Variants in MPHOSPH9 observed in about 807,000 individuals in gnomAD.
The protein encoded by MPHOSPH9 is M-phase phosphoprotein 9.
A neutral mutation model predicts 145.5 loss-of-function variants in MPHOSPH9; 88 were observed. The observed-to-expected ratio is 0.60, with a 90% CI of 0.51 to 0.72. The LOEUF (loss-of-function observed/expected upper bound fraction) is 0.72, where lower values mean the gene tolerates loss of function less well. Among genes scored for constraint, MPHOSPH9 ranks in the 30% least tolerant of loss-of-function variants. The pLI is 0.00. For synonymous variants in MPHOSPH9, 435 were observed against 486.2 expected (o/e 0.89, Z 1.39); for missense variants, 1,238 against 1,386.6 (o/e 0.89, Z 1.70).
intron 16 of MPHOSPH9, among the ~76,000 whole-genome samples, chr12:123,168,300 C>T (rs550485934): frequency 3.3e-5 from 5 of 151,918 alleles, no homozygotes; most frequent in East Asian, 1.9e-4. Flanking sequence ...CCACCTCAAG[C>T]GGACACCCCA....
intron 16 of MPHOSPH9, among the ~76,000 whole-genome samples, chr12:123,171,559 G>C (rs1359480310): frequency 1.3e-5 from 2 of 152,114 alleles, no homozygotes; most frequent in African/African-American, 4.8e-5. Flanking sequence ...GACCAGCTTG[G>C]CTGACATGGC....
At chr12:123,211,860 A>C (rs980782236) in intron 7 of MPHOSPH9, among the ~76,000 whole-genome samples, 5 of 150,810 alleles carry the variant, frequency 3.3e-5, no homozygotes, top group Non-Finnish European at 7.4e-5. Flanking sequence ...GCACCCAGCT[A>C]ATTTTTGTAT....
upstream of MPHOSPH9, among the ~76,000 whole-genome samples, chr12:123,237,761 T>A (rs1010891945): frequency 6.6e-6 from 1 of 152,326 alleles, no homozygotes; most frequent in African/African-American, 2.4e-5. Context: ...CCAGCAATAC[T>A]CACTGGTTCC....
intron 13 of MPHOSPH9, among the ~76,000 whole-genome samples, chr12:123,192,309 C>A (rs1359932318): frequency 6.6e-6 from 1 of 151,234 alleles, no homozygotes. Flanking sequence ...CAAAAATTAG[C>A]CAAGTGTGGT....
intron 8 of MPHOSPH9, among the ~76,000 whole-genome samples, chr12:123,206,134 C>A (rs1240599084): frequency 6.6e-6 from 1 of 152,026 alleles, no homozygotes; most frequent in Non-Finnish European, 1.5e-5. Flanking sequence ...TGGGAAAACA[C>A]AGAAACTAAC....
In MPHOSPH9 at chr12:123,166,908, T is replaced by C. The variant is rs191123804; in HGVS notation, c.2457-119A>G. Reference sequence around the variant, plus strand: ...ACACATTTGTACACTAATTTAAAAATCACATGTAACAATCTATATTTTGGA... The same window carrying C: ...ACACATTTGTACACTAATTTAAAAACCACATGTAACAATCTATATTTTGGA... On this transcript the variant is annotated intron_variant, in intron 16 of 23. Transcript: ENST00000606320. 327 of 1,013,140 alleles carry C rather than the reference T, an allele frequency of 3.2e-4. 2 individuals carry two copies. Among genetic ancestry groups the C allele is most frequent in the South Asian group, 7.8e-4 (38 of 48,476 alleles). 62.8% of individuals were successfully genotyped at this position (1,013,140 alleles called of 1,614,324 possible).
At chr12:123,156,997 G>A in intron 23 of MPHOSPH9, 89 bp from the exon 24 acceptor site, 1 of 891,026 alleles carries the variant, frequency 1.1e-6, no homozygotes, top group Admixed American at 2.3e-5. Flanking sequence ...TAGCAAAAGA[G>A]CAAGTATAAA....
chr12:123,217,517 T>C (rs137953143), intron 6 of MPHOSPH9, among the ~76,000 whole-genome samples: 64 of 152,256 alleles, frequency 4.2e-4, no homozygotes, highest in African/African-American at 1.4e-3. Context: ...GATTACAGTA[T>C]TACTTCTTAC....
chr12:123,240,668 C>G (rs1593274737), intron 1 of MPHOSPH9: 1 of 148,804 alleles, frequency 6.7e-6, no homozygotes, highest in South Asian at 2.1e-4. Context: ...AAGGCAGGTC[C>G]AGAGATTGAC....
intron 3 of MPHOSPH9, 122 bp from the exon 4 acceptor site, chr12:123,223,249 T>C: frequency 5.9e-6 from 3 of 511,024 alleles, no homozygotes; most frequent in Non-Finnish European, 9.5e-6. Context: ...CCAAGAGCCA[T>C]CAGCACTCTC....
chr12:123,193,071 CAAAAA>C (rs768866302), intron 13 of MPHOSPH9, among the ~76,000 whole-genome samples: 1,639 of 28,756 alleles, frequency 0.057, 63 homozygotes, highest in African/African-American at 0.13. Flanking sequence ...GATTGTCTTT[CAAAAA>C]AAAAAAAAAA....
chr12:123,182,276 T>C (rs1243246904), intron 13 of MPHOSPH9, among the ~76,000 whole-genome samples: 1 of 145,180 alleles, frequency 6.9e-6, no homozygotes, highest in East Asian at 2.1e-4. Context: ...TTTTTTTTGA[T>C]GGAGTCTTGC....
intron 16 of MPHOSPH9, among the ~76,000 whole-genome samples, chr12:123,170,231 C>T (rs2950537): frequency 0.64 from 97,540 of 151,878 alleles, 35,800 homozygotes; most frequent in East Asian, 1. Flanking sequence ...CAACCTCCGC[C>T]TCTCAGGTTC....
Position 123,230,258 on chromosome 12 carries a change from T to C in MPHOSPH9, c.104+3A>G. On this transcript the variant is annotated splice_donor_region_variant and intron_variant, in intron 2 of 23. Coordinates refer to ENST00000606320, the MANE Select transcript of MPHOSPH9 (RefSeq NM_022782.4). ...GTACATTTTTTTTAAATCCCATTCT[T>C]ACCTATCAGTATTTAAGTTCAGTCC... The C allele has an allele frequency of 6.9e-7, 1 of 1,445,218 alleles. No homozygotes were observed. The highest frequency in any genetic ancestry group is 1.3e-5 in the South Asian group (1 of 79,772). The allele number at this position is 1,445,218 out of a possible 1,614,324, so 89.5% of individuals were successfully genotyped here.
chr12:123,230,238 T>C (rs1040073020), intron 2 of MPHOSPH9, 23 bp downstream of exon 2: 53 of 1,215,984 alleles, frequency 4.4e-5, no homozygotes, highest in Admixed American at 1.8e-4. Context: ...ATTTGGTACA[T>C]TTTTTTTAAA....
intron 11 of MPHOSPH9, among the ~76,000 whole-genome samples, chr12:123,199,847 G>A (rs141972549): frequency 1.3e-5 from 2 of 151,512 alleles, no homozygotes; most frequent in African/African-American, 2.4e-5. Context: ...TTTTACAGTT[G>A]AGAAAACAAA....
Position 123,163,871 on chromosome 12 carries a change from AG to A in MPHOSPH9, c.2908+78del, listed in dbSNP as rs1307660414. On this transcript the variant is annotated intron_variant, in intron 19 of 23. Transcript: ENST00000606320. ...TGAGGATACAAGAGAAACCAGAAAC[AG>A]GCAAGCAGCGGGCACAAATAGATTT... 5 of 1,560,684 alleles carry A rather than the reference AG, an allele frequency of 3.2e-6. No homozygotes were observed. The East Asian group carries it at 1.1e-4, about 35-fold the overall frequency.
intron 7 of MPHOSPH9, among the ~76,000 whole-genome samples, 170 bp downstream of exon 7, chr12:123,214,574 G>A (rs1179069467): frequency 6.6e-6 from 1 of 152,046 alleles, no homozygotes; most frequent in African/African-American, 2.4e-5. Flanking sequence ...TGCTACCAGA[G>A]AACATCACAA....
At chr12:123,187,374 T>A (rs2045491101) in intron 13 of MPHOSPH9, among the ~76,000 whole-genome samples, 1 of 152,102 alleles carries the variant, frequency 6.6e-6, no homozygotes, top group Admixed American at 6.6e-5. Flanking sequence ...CCTTAATTTT[T>A]AAAAAAGAAA....
Sources: allele counts gnomAD v4.1 joint callset (sites outside exome capture counted in the v4.1 genomes callset), GRCh38; gene constraint gnomAD v4.1.1; transcripts MANE v1.5; gene names NCBI Gene and HGNC (gene_info 2026-07-23, HGNC 2026-07-21).